Variants in TEX14 observed in about 807,000 individuals in gnomAD.
The protein encoded by TEX14 is inactive serine/threonine-protein kinase TEX14.
TEX14 carries 168 observed loss-of-function variants against 178.6 expected under a neutral mutation model. That is an observed-to-expected ratio of 0.94 (90% CI 0.83 to 1.07). TEX14 has a LOEUF of 1.07. Ranked by LOEUF, TEX14 falls within the 50% of genes least tolerant of loss-of-function variation. The pLI is 0.00. For missense variants in TEX14, 1,730 were observed against 1,753.6 expected (o/e 0.99, Z 0.24); for synonymous variants, 626 against 634.1 (o/e 0.99, Z 0.19).
intron 1 of TEX14, among the ~76,000 whole-genome samples, chr17:58,653,519 G>A (rs887523319): frequency 6.6e-5 from 10 of 152,118 alleles, no homozygotes; most frequent in African/African-American, 2.4e-4. Flanking sequence ...TTTAGGTCAC[G>A]GGGGCACCAC....
intron 23 of TEX14, among the ~76,000 whole-genome samples, chr17:58,572,949 G>A (rs920644719): frequency 6.6e-6 from 1 of 152,242 alleles, no homozygotes; most frequent in Non-Finnish European, 1.5e-5. Flanking sequence ...GCATTTGCAT[G>A]GCTTTACCAC....
At chr17:58,593,763 T>A in intron 14 of TEX14, 102 bp from the exon 15 acceptor site, 1 of 927,324 alleles carries the variant, frequency 1.1e-6, no homozygotes, top group East Asian at 2.5e-5. Flanking sequence ...TGTATAGAAA[T>A]AACCAGACCT....
At chr17:58,583,422 C>A (rs979183011) in intron 19 of TEX14, among the ~76,000 whole-genome samples, 4 of 152,108 alleles carry the variant, frequency 2.6e-5, no homozygotes, top group African/African-American at 9.7e-5. Context: ...TGAGCCACTG[C>A]ACTCAGCTGA....
chr17:58,630,405 C>T lies in TEX14; in HGVS notation c.251+35G>A, dbSNP rs754880444. 1.7e-5 allele frequency: 24 copies of T among 1,450,334 alleles called. No individual in the cohort carries two copies. In the South Asian group the frequency reaches 2.6e-4, roughly 16 times the overall value. 89.8% of individuals were successfully genotyped at this position (1,450,334 alleles called of 1,614,324 possible). A position where few individuals can be genotyped will look rare whatever the true frequency, so the allele number is the denominator to read the frequency against. The stretch of plus-strand genomic sequence containing the variant: ...AACAAACTCATCTTAACAGCACAAC[C>T]CCTATTTTCTAGACATCAATATTAT... On this transcript the variant is annotated intron_variant, in intron 3 of 31. Coordinates refer to ENST00000349033, the MANE Select transcript of TEX14 (RefSeq NM_031272.5).
At chr17:58,673,537 AT>A (rs1475101376) in intron 1 of TEX14, among the ~76,000 whole-genome samples, 2 of 149,104 alleles carry the variant, frequency 1.3e-5, no homozygotes, top group African/African-American at 5.0e-5. Flanking sequence ...ATTGTAACTT[AT>A]TTTTCTCTCT....
At chr17:58,652,961 G>A (rs527887283) in intron 1 of TEX14, among the ~76,000 whole-genome samples, 91 of 152,160 alleles carry the variant, frequency 6.0e-4, no homozygotes, top group African/African-American at 2.0e-3. Flanking sequence ...TGTATGTGAC[G>A]GAGTCTTACT....
chr17:58,687,897 A>G (rs1348757163), intron 1 of TEX14, among the ~76,000 whole-genome samples: 2 of 152,130 alleles, frequency 1.3e-5, no homozygotes, highest in African/African-American at 2.4e-5. Context: ...AAAGATCCTG[A>G]TAGATTATAA....
At chr17:58,673,880 A>C (rs2047345042) in intron 1 of TEX14, among the ~76,000 whole-genome samples, 1 of 152,152 alleles carries the variant, frequency 6.6e-6, no homozygotes, top group African/African-American at 2.4e-5. Context: ...TCTCCTTCAT[A>C]TTATAGTTAG....
rs1305088043 is a variant in TEX14 at position 58,593,594 on chromosome 17, T to C, written c.2537A>G (p.Lys846Arg). The change falls in exon 15 of 32, where the codon AAG becomes AGG. Residue 846 changes from lysine to arginine, a missense_variant. Physicochemically the swap from Lys to Arg is conservative, Grantham distance 26. Around this residue, in one of 2 missense-constraint regions of TEX14, gnomAD observed 941 missense variants for 1,072.4 expected, o/e 0.88. Transcript: ENST00000349033. Reference sequence around the variant, plus strand: ...GATCCTGCTTGTTTCCAAACTGTCCTTGGCTCCTTGAGTGCACTGAAATTG... The same window carrying C: ...GATCCTGCTTGTTTCCAAACTGTCCCTGGCTCCTTGAGTGCACTGAAATTG... ...DEQFQCTQGA[K>R]DSLETSRIQN... 1.2e-6 allele frequency: 2 copies of C among 1,614,084 alleles called. No homozygotes were observed. The highest frequency in any genetic ancestry group is 2.7e-5 in the African/African-American group (2 of 74,944).
chr17:58,634,708 T>C (rs1299529283), intron 2 of TEX14, among the ~76,000 whole-genome samples: 2 of 152,156 alleles, frequency 1.3e-5, no homozygotes, highest in African/African-American at 4.8e-5. Flanking sequence ...GAGTTACGCA[T>C]GTCATGGGGG....
At chr17:58,560,116 G>A (rs2044244125) in intron 29 of TEX14, among the ~76,000 whole-genome samples, 1 of 152,090 alleles carries the variant, frequency 6.6e-6, no homozygotes, top group South Asian at 2.1e-4. Context: ...ACTCCTTATA[G>A]GCGGCAGAGC....
chr17:58,649,047 G>A (rs2046782726), intron 2 of TEX14, among the ~76,000 whole-genome samples: 1 of 150,396 alleles, frequency 6.6e-6, no homozygotes, highest in Non-Finnish European at 1.5e-5. Context: ...AAAGTGCTGG[G>A]ATTACAGGCG....
At chr17:58,678,194 A>C (rs991944545) in intron 1 of TEX14, among the ~76,000 whole-genome samples, 1 of 152,154 alleles carries the variant, frequency 6.6e-6, no homozygotes, top group Non-Finnish European at 1.5e-5. Context: ...TTGATTTAAG[A>C]TGAAAAGCTT....
At chr17:58,626,668 G>C (rs758631882) in intron 3 of TEX14, among the ~76,000 whole-genome samples, 25 of 151,774 alleles carry the variant, frequency 1.6e-4, no homozygotes, top group Admixed American at 2.6e-4. Flanking sequence ...GATCACCTGA[G>C]GTCAGGAATT....
intron 1 of TEX14, chr17:58,661,240 G>A: frequency 2.5e-6 from 2 of 794,748 alleles, no homozygotes; most frequent in Non-Finnish European, 4.6e-6. Context: ...CCACACGATA[G>A]TAATGGCACT....
At chr17:58,621,840 G>A in intron 4 of TEX14, 54 bp from the exon 5 acceptor site, 1 of 1,545,522 alleles carries the variant, frequency 6.5e-7, no homozygotes, top group Non-Finnish European at 8.8e-7. Flanking sequence ...TCAATGGAAT[G>A]GAAGCTTGGG....
intron 2 of TEX14, among the ~76,000 whole-genome samples, chr17:58,633,042 CTCGAGTCCA>C (rs1203245758): frequency 1.3e-5 from 2 of 152,170 alleles, no homozygotes; most frequent in East Asian, 3.9e-4. Context: ...TGGCCCCTCT[CTCGAGTCCA>C]TCTCTCAAGT....
intron 15 of TEX14, among the ~76,000 whole-genome samples, chr17:58,591,426 G>A (rs1178094975): frequency 6.6e-6 from 1 of 152,160 alleles, no homozygotes; most frequent in Non-Finnish European, 1.5e-5. Context: ...GATGAGGCAG[G>A]AGAATCGCTT....
chr17:58,640,612 A>AGTGTGTGTGTGTGTGT (rs33931543), intron 2 of TEX14, among the ~76,000 whole-genome samples: 52 of 143,954 alleles, frequency 3.6e-4, no homozygotes, highest in East Asian at 2.0e-3. Context: ...CTTACCTTCT[A>AGTGTGTGTGTGTGTGT]GTGTGTGTGT....
Sources: allele counts gnomAD v4.1 joint callset (sites outside exome capture counted in the v4.1 genomes callset), GRCh38; gene constraint gnomAD v4.1.1; regional missense constraint gnomAD v4.1.1; transcripts MANE v1.5; gene names NCBI Gene and HGNC (gene_info 2026-07-23, HGNC 2026-07-21).